Variants in CDH4 observed in about 807,000 individuals in gnomAD.
The protein encoded by CDH4 is cadherin 4.
Under a neutral mutation model 86.0 loss-of-function variants are expected in CDH4, and 33 were observed. The ratio of observed to expected loss-of-function variants is 0.38; its 90% CI spans 0.29 to 0.51. The LOEUF is 0.51. Ranked by LOEUF, CDH4 falls within the 20% of genes least tolerant of loss-of-function variation. The pLI is 0.86. For synonymous variants in CDH4, 555 were observed against 549.4 expected (o/e 1.01, Z -0.14); for missense variants, 1,114 against 1,307.4 (o/e 0.85, Z 2.28).
At chr20:61,809,670 TGG>T (rs1980328614) in intron 4 of CDH4, among the ~76,000 whole-genome samples, 1 of 152,184 alleles carries the variant, frequency 6.6e-6, no homozygotes, top group African/African-American at 2.4e-5. Flanking sequence ...AGGCCAAAGC[TGG>T]GAACTGGAGT....
chr20:61,726,079 A>T lies in CDH4; in HGVS notation c.170-17484A>T, dbSNP rs143907522. Reference sequence around the variant, plus strand: ...AGACGACAGGAGCCAGCCCCCAGCCACCACGACCAGGGCCCTGCAGTGGGG... The same window carrying T: ...AGACGACAGGAGCCAGCCCCCAGCCTCCACGACCAGGGCCCTGCAGTGGGG... On this transcript the variant is annotated intron_variant, in intron 2 of 15. Transcript: ENST00000614565. 7.5e-3 allele frequency among the ~76,000 whole-genome samples: 1,132 copies of T among 151,772 alleles called. 35 individuals carry two copies. The South Asian group carries it at 0.1, about 14-fold the overall frequency.
chr20:61,354,235 G>A (rs1025560239), intron 2 of CDH4, among the ~76,000 whole-genome samples: 5 of 152,232 alleles, frequency 3.3e-5, no homozygotes, highest in Admixed American at 2.6e-4. Flanking sequence ...GCTCTAAGGA[G>A]CGGAAATGTC....
intron 2 of CDH4, among the ~76,000 whole-genome samples, chr20:61,460,824 G>A (rs762325066): frequency 5.9e-5 from 9 of 152,216 alleles, no homozygotes; most frequent in Non-Finnish European, 1.2e-4. Flanking sequence ...TCATCCATGG[G>A]TGTATCTGGC....
At position 61,824,093 on chromosome 20, in the gene CDH4, C is replaced by T. The variant is rs11699039; in HGVS notation, c.577-20575C>T. Reference sequence around the variant, plus strand: ...TACCAGATGTCTAGAGCAACAGGCTCCCTGGAAAACCTCCTCATTGTCCAC... The same window carrying T: ...TACCAGATGTCTAGAGCAACAGGCTTCCTGGAAAACCTCCTCATTGTCCAC... On this transcript the variant is annotated intron_variant, in intron 4 of 15. Transcript: ENST00000614565. 5.7e-3 allele frequency among the ~76,000 whole-genome samples: 865 copies of T among 152,304 alleles called. 2 individuals are homozygous for T. Among genetic ancestry groups the T allele is most frequent in the Non-Finnish European group, 9.4e-3 (642 of 68,036 alleles).
chr20:61,878,190 C>T (rs1479586934), intron 7 of CDH4, among the ~76,000 whole-genome samples: 5 of 152,204 alleles, frequency 3.3e-5, no homozygotes, highest in African/African-American at 1.2e-4. Context: ...ATGGGCAGCA[C>T]GTGCCCGGCA....
intron 2 of CDH4, among the ~76,000 whole-genome samples, chr20:61,674,456 A>C (rs2087425205): frequency 6.6e-6 from 1 of 152,116 alleles, no homozygotes; most frequent in South Asian, 2.1e-4. Flanking sequence ...GGAAGGACAC[A>C]TGACAGTTCA....
chr20:61,677,060 C>T (rs1239253993), intron 2 of CDH4, among the ~76,000 whole-genome samples: 1 of 152,160 alleles, frequency 6.6e-6, no homozygotes, highest in Non-Finnish European at 1.5e-5. Flanking sequence ...TTCGTAGGGC[C>T]TTGTCACCTG....
At chr20:61,324,667 G>T (rs1315139032) in intron 2 of CDH4, among the ~76,000 whole-genome samples, 1 of 152,202 alleles carries the variant, frequency 6.6e-6, no homozygotes, top group Non-Finnish European at 1.5e-5. Context: ...GGCACCTTCT[G>T]AGTTTCCAGA....
intron 2 of CDH4, among the ~76,000 whole-genome samples, chr20:61,365,743 C>A (rs555341703): frequency 1.3e-5 from 2 of 152,086 alleles, no homozygotes; most frequent in African/African-American, 4.8e-5. Context: ...TGCAATGGGG[C>A]GTGCCTGCAT....
chr20:61,565,089 CTCTTGGT>C (rs2086257064), intron 2 of CDH4, among the ~76,000 whole-genome samples: 1 of 64,870 alleles, frequency 1.5e-5, no homozygotes, highest in African/African-American at 7.3e-5. Flanking sequence ...GGTGGTGGTG[CTCTTGGT>C]GGTGCTCTTG....
At chr20:61,695,212 G>A (rs182594380) in intron 2 of CDH4, among the ~76,000 whole-genome samples, 19 of 152,342 alleles carry the variant, frequency 1.2e-4, no homozygotes, top group Admixed American at 7.8e-4. Context: ...AGAGGTCACC[G>A]AACAAGGAGA....
Position 61,418,981 on chromosome 20 carries a change from A to T in CDH4, c.169+164044A>T, listed in dbSNP as rs151269596. Among the ~76,000 whole-genome samples the T allele has an allele frequency of 2.4e-4, 36 of 152,214 alleles. No individual in the cohort carries two copies. In the East Asian group the frequency reaches 7.0e-3, roughly 29 times the overall value. ...CTGTGTGTCTGTGACTTCTCTTGTCATTGGATTTAGGACCTACCCTCATCC... is the reference window on the plus strand; with the variant it reads ...CTGTGTGTCTGTGACTTCTCTTGTCTTTGGATTTAGGACCTACCCTCATCC... On this transcript the variant is annotated intron_variant, in intron 2 of 15. Coordinates refer to ENST00000614565, the MANE Select transcript of CDH4 (RefSeq NM_001794.5).
At chr20:61,305,987 T>C (rs2044707233) in intron 2 of CDH4, among the ~76,000 whole-genome samples, 1 of 152,244 alleles carries the variant, frequency 6.6e-6, no homozygotes, top group South Asian at 2.1e-4. Flanking sequence ...CGTTGACCTT[T>C]TGTCTAGGCC....
chr20:61,418,147 G>A (rs572937651), intron 2 of CDH4, among the ~76,000 whole-genome samples: 1 of 151,988 alleles, frequency 6.6e-6, no homozygotes, highest in African/African-American at 2.4e-5. Context: ...AAGAGACAGA[G>A]AAGACAGATG....
At chr20:61,734,103 G>A (rs1037807356) in intron 2 of CDH4, among the ~76,000 whole-genome samples, 4 of 152,308 alleles carry the variant, frequency 2.6e-5, no homozygotes, top group African/African-American at 7.2e-5. Flanking sequence ...GGGAGCTGCC[G>A]GCTCCTCTGT....
At chr20:61,452,151 C>G (rs935703406) in intron 2 of CDH4, among the ~76,000 whole-genome samples, 1 of 152,156 alleles carries the variant, frequency 6.6e-6, no homozygotes, top group Non-Finnish European at 1.5e-5. Flanking sequence ...GGCTTGTGCT[C>G]AGGTTGTAAT....
At chr20:61,346,452 C>T (rs920811083) in intron 2 of CDH4, among the ~76,000 whole-genome samples, 11 of 152,126 alleles carry the variant, frequency 7.2e-5, no homozygotes, top group South Asian at 2.1e-4. Flanking sequence ...TTTAAATTAA[C>T]CCCTCTGCTG....
chr20:61,798,999 G>A (rs963889546), intron 4 of CDH4, among the ~76,000 whole-genome samples: 4 of 152,242 alleles, frequency 2.6e-5, no homozygotes, highest in Non-Finnish European at 5.9e-5. Flanking sequence ...ATTTCACTAA[G>A]CTCAAGGCTT....
At chr20:61,512,588 C>T (rs1025165909) in intron 2 of CDH4, among the ~76,000 whole-genome samples, 2 of 152,158 alleles carry the variant, frequency 1.3e-5, no homozygotes, top group Admixed American at 6.5e-5. Context: ...ATGAATGGGG[C>T]GAGGGGAAAC....
Sources: allele counts gnomAD v4.1 joint callset (sites outside exome capture counted in the v4.1 genomes callset), GRCh38; gene constraint gnomAD v4.1.1; transcripts MANE v1.5; gene names NCBI Gene and HGNC (gene_info 2026-07-23, HGNC 2026-07-21).